MCCC1: variants seen among roughly 807,000 people sequenced by gnomAD.
The protein encoded by MCCC1 is methylcrotonyl-CoA carboxylase subunit 1.
Under a neutral mutation model 83.8 loss-of-function variants are expected in MCCC1, and 64 were observed. The ratio of observed to expected loss-of-function variants is 0.76; its 90% CI spans 0.62 to 0.94. The LOEUF (loss-of-function observed/expected upper bound fraction) is 0.94, where lower values mean the gene tolerates loss of function less well. MCCC1 is among the 40% of genes least tolerant of loss of function. The pLI, the probability that MCCC1 is intolerant of heterozygous loss-of-function variation, is 0.00. For synonymous variants in MCCC1, 322 were observed against 315.4 expected (o/e 1.02, Z -0.22); for missense variants, 807 against 904.7 (o/e 0.89, Z 1.39).
At chr3:183,099,617 AC>A, upstream of MCCC1, 1 of 730,452 alleles carries the variant, frequency 1.4e-6, no homozygotes, top group Non-Finnish European at 2.3e-6. Context: ...CCAATCAAAG[AC>A]CAGAGCCCGG....
At chr3:183,090,047 T>C (rs974446413) in intron 3 of MCCC1, among the ~76,000 whole-genome samples, 3 of 152,136 alleles carry the variant, frequency 2.0e-5, no homozygotes, top group African/African-American at 4.8e-5. Context: ...TGATCCAGAA[T>C]GAGAGTGCAC....
At chr3:183,045,020 A>G (rs554954867) in intron 10 of MCCC1, among the ~76,000 whole-genome samples, 9 of 151,794 alleles carry the variant, frequency 5.9e-5, no homozygotes, top group Non-Finnish European at 1.2e-4. Flanking sequence ...TGATGAACCC[A>G]TCACTCAAAC....
At chr3:183,063,596 G>C (rs1156973542) in intron 7 of MCCC1, among the ~76,000 whole-genome samples, 3 of 152,130 alleles carry the variant, frequency 2.0e-5, no homozygotes, top group Non-Finnish European at 2.9e-5. Flanking sequence ...CTATGGAGTA[G>C]CCATTCTTTA....
At chr3:183,101,111 G>C (rs1020884593), upstream of MCCC1, among the ~76,000 whole-genome samples, 1 of 152,250 alleles carries the variant, frequency 6.6e-6, no homozygotes, top group Admixed American at 6.5e-5. Flanking sequence ...TCGATTTCTC[G>C]CCGGGCCTTG....
intron 16 of MCCC1, among the ~76,000 whole-genome samples, chr3:183,021,338 A>G (rs1419775763): frequency 4.6e-5 from 7 of 152,160 alleles, no homozygotes; most frequent in Non-Finnish European, 1.0e-4. Context: ...ATCCTCCTGC[A>G]TTAGCCTCCT....
chr3:183,103,553 C>G (rs113608987), upstream of MCCC1, among the ~76,000 whole-genome samples: 16 of 152,276 alleles, frequency 1.1e-4, no homozygotes, highest in Admixed American at 2.6e-4. Flanking sequence ...TCAATTGGTG[C>G]ATTCACAAAC....
chr3:183,024,780 C>T (rs1712447326), intron 15 of MCCC1, among the ~76,000 whole-genome samples: 1 of 151,988 alleles, frequency 6.6e-6, no homozygotes, highest in African/African-American at 2.4e-5. Context: ...TCTAGCAATT[C>T]CACTGCTGGA....
At chr3:183,055,574 A>T (rs2108503065) in intron 8 of MCCC1, among the ~76,000 whole-genome samples, 1 of 152,314 alleles carries the variant, frequency 6.6e-6, no homozygotes, top group South Asian at 2.1e-4. Context: ...TCTACATGAC[A>T]GCTTTCATAA....
At chr3:183,086,814 A>G (rs1183715551) in intron 3 of MCCC1, 26 bp from the exon 4 acceptor site, 7 of 1,604,948 alleles carry the variant, frequency 4.4e-6, no homozygotes, top group Non-Finnish European at 6.0e-6. Context: ...CACATGCTTA[A>G]AAGACTTTGT....
At chr3:183,099,194 G>T (rs1451248758) in intron 1 of MCCC1, 158 bp downstream of exon 1, 17 of 765,592 alleles carry the variant, frequency 2.2e-5, no homozygotes, top group Middle Eastern at 3.6e-4. Flanking sequence ...TCCTCCCGAC[G>T]CCGTGACTGC....
chr3:183,031,750 A>G (rs1289968409), intron 14 of MCCC1, among the ~76,000 whole-genome samples: 1 of 151,056 alleles, frequency 6.6e-6, no homozygotes, highest in East Asian at 1.9e-4. Flanking sequence ...CACCTGCCTC[A>G]GCCTCCCAAA....
intron 8 of MCCC1, among the ~76,000 whole-genome samples, chr3:183,053,581 C>T (rs575276754): frequency 2.6e-5 from 4 of 151,608 alleles, no homozygotes; most frequent in South Asian, 2.1e-4. Flanking sequence ...CCAAGGTGGG[C>T]GGATCATGAA....
intron 4 of MCCC1, among the ~76,000 whole-genome samples, chr3:183,074,667 A>G (rs879877061): frequency 6.6e-6 from 1 of 152,188 alleles, no homozygotes; most frequent in Admixed American, 6.5e-5. Context: ...AATGCTGGAT[A>G]CTCATATGTT....
At chr3:183,094,279 A>C (rs1183921749) in intron 2 of MCCC1, among the ~76,000 whole-genome samples, 1 of 151,790 alleles carries the variant, frequency 6.6e-6, no homozygotes, top group Non-Finnish European at 1.5e-5. Flanking sequence ...CGAACTCCTG[A>C]CCTCAGGTGA....
At chr3:183,036,332 TAATTCGAC>T (rs1713587416) in intron 13 of MCCC1, among the ~76,000 whole-genome samples, 1 of 152,004 alleles carries the variant, frequency 6.6e-6, no homozygotes, top group South Asian at 2.1e-4. Flanking sequence ...AAAGCGGAAG[TAATTCGAC>T]AATAAGTCAT....
At chr3:183,101,806 T>C (rs1456232978), upstream of MCCC1, among the ~76,000 whole-genome samples, 3 of 152,176 alleles carry the variant, frequency 2.0e-5, no homozygotes, top group African/African-American at 7.2e-5. Flanking sequence ...GCTGTAACAC[T>C]TATCACGAAG....
chr3:183,087,593 T>C (rs1455678539), intron 3 of MCCC1, among the ~76,000 whole-genome samples: 1 of 152,048 alleles, frequency 6.6e-6, no homozygotes, highest in Non-Finnish European at 1.5e-5. Flanking sequence ...TGATCAAGAC[T>C]GGCCGGGCAT....
intron 4 of MCCC1, among the ~76,000 whole-genome samples, chr3:183,082,657 G>C (rs1483442244): frequency 6.6e-6 from 1 of 152,170 alleles, no homozygotes; most frequent in Non-Finnish European, 1.5e-5. Context: ...TTCCCAACCA[G>C]AGAAGACTGA....
At chr3:183,074,944 C>T (rs1716956142) in intron 4 of MCCC1, among the ~76,000 whole-genome samples, 1 of 152,166 alleles carries the variant, frequency 6.6e-6, no homozygotes, top group Non-Finnish European at 1.5e-5. Context: ...ATTCAGCTCC[C>T]ACTTCTAAGT....
Sources: allele counts gnomAD v4.1 joint callset (sites outside exome capture counted in the v4.1 genomes callset), GRCh38; gene constraint gnomAD v4.1.1; transcripts MANE v1.5; gene names NCBI Gene and HGNC (gene_info 2026-07-23, HGNC 2026-07-21).